The following GRAMD4 variants were observed in gnomAD, a reference collection of about 807,000 sequenced individuals.
GRAMD4 encodes the protein GRAM domain-containing protein 4.
In GRAMD4, 25 loss-of-function variants were observed where a neutral mutation model predicts 83.9. That is an observed-to-expected ratio of 0.30 (90% CI 0.22 to 0.42). The LOEUF is 0.42. Ranked by LOEUF, GRAMD4 falls within the 10% of genes least tolerant of loss-of-function variation. The probability of loss-of-function intolerance (pLI) is 1.00; values close to 1 mark genes in which losing one functional copy is unlikely to be tolerated. For missense variants in GRAMD4, 593 were observed against 788.7 expected (o/e 0.75, Z 2.97); for synonymous variants, 336 against 320.9 (o/e 1.05, Z -0.50).
intron 9 of GRAMD4, among the ~76,000 whole-genome samples, chr22:46,666,284 G>T (rs997583518): frequency 1.3e-4 from 20 of 152,196 alleles, no homozygotes; most frequent in African/African-American, 4.6e-4. Context: ...TGCACTCCTG[G>T]GTCCTTCTTA....
intron 1 of GRAMD4, among the ~76,000 whole-genome samples, chr22:46,592,930 C>T (rs1321486311): frequency 1.3e-5 from 2 of 152,096 alleles, no homozygotes; most frequent in Admixed American, 1.3e-4. Flanking sequence ...ATATTTTGTC[C>T]TAAATTCTGT....
chr22:46,668,178 G>A lies in GRAMD4; in HGVS notation c.930+11G>A, dbSNP rs17761602. ...GCCCAGAAAGCCCAGGTACTGCCAC[G>A]GGCGCCGGCCAGGGGTGTGTCTGCG... is the stretch of plus-strand genomic sequence containing the variant. On this transcript the variant is annotated intron_variant, in intron 11 of 18. Transcript: ENST00000406902. 0.03 allele frequency: 47,823 copies of A among 1,602,868 alleles called. 903 individuals are homozygous for A. The highest frequency in any genetic ancestry group is 0.036 in the Non-Finnish European group (42,630 of 1,171,724).
downstream of GRAMD4, among the ~76,000 whole-genome samples, chr22:46,680,526 A>T (rs1210615379): frequency 7.6e-6 from 1 of 131,468 alleles, no homozygotes; most frequent in African/African-American, 3.1e-5. Context: ...CCACTGATCC[A>T]TCCATTCATC....
Position 46,661,594 on chromosome 22 carries a change from C to G in GRAMD4, c.466+152C>G, listed in dbSNP as rs147692842. On this transcript the variant is annotated intron_variant, in intron 5 of 18. Coordinates refer to ENST00000406902, the MANE Select transcript of GRAMD4 (RefSeq NM_015124.5). ...AGGTGCTGGTTCTGTGCCCAGGCAC[C>G]TGCTGGCATCCGGGAATCTCCTCCC... 2.3e-4 allele frequency: 146 copies of G among 630,412 alleles called. 1 individual carries two copies. The East Asian group carries it at 3.9e-3, about 17-fold the overall frequency. 39.1% of individuals were successfully genotyped at this position (630,412 alleles called of 1,614,324 possible). A position where few individuals can be genotyped will look rare whatever the true frequency, so the allele number is the denominator to read the frequency against.
At chr22:46,669,640 A>G (rs1231182958) in intron 13 of GRAMD4, among the ~76,000 whole-genome samples, 1 of 144,726 alleles carries the variant, frequency 6.9e-6, no homozygotes, top group African/African-American at 2.6e-5. Context: ...CAGTGGCGTG[A>G]TCTCGGCTCA....
intron 1 of GRAMD4, among the ~76,000 whole-genome samples, chr22:46,601,263 G>T (rs370257587): frequency 5.9e-5 from 9 of 152,154 alleles, no homozygotes; most frequent in African/African-American, 1.9e-4. Flanking sequence ...CCCGTCGGCC[G>T]CCGGGTCACA....
intron 2 of GRAMD4, among the ~76,000 whole-genome samples, chr22:46,635,963 G>A (rs979077128): frequency 6.6e-6 from 1 of 152,196 alleles, no homozygotes; most frequent in East Asian, 1.9e-4. Flanking sequence ...TCCTGGCTGC[G>A]TGTGGGAGCG....
rs560562138 is a variant in GRAMD4, at chr22:46,679,388, C to T, written c.*2137C>T. 66 of 985,234 alleles carry T rather than the reference C, an allele frequency of 6.7e-5. No homozygotes were observed. The highest frequency in any genetic ancestry group is 4.7e-5 in the South Asian group (1 of 21,280). The allele number at this position is 985,234 out of a possible 1,614,324, so 61.0% of individuals were successfully genotyped here. A position where few individuals can be genotyped will look rare whatever the true frequency, so the allele number is the denominator to read the frequency against. ...GGGCCACATTCGGGGAGCGGGGGGT[C>T]GGGGGAGGGCCACCGACTGGCTCTG... On this transcript the variant is annotated 3_prime_UTR_variant, in exon 19 of 19. Coordinates refer to ENST00000406902, the MANE Select transcript of GRAMD4 (RefSeq NM_015124.5).
At chr22:46,638,092 T>C in intron 3 of GRAMD4, 132 bp downstream of exon 3, 1 of 936,638 alleles carries the variant, frequency 1.1e-6, no homozygotes, top group Non-Finnish European at 1.6e-6. Flanking sequence ...ACACGAGCCC[T>C]GGGCAGCTGT....
chr22:46,619,310 G>A (rs1199795776), upstream of GRAMD4, among the ~76,000 whole-genome samples: 1 of 152,144 alleles, frequency 6.6e-6, no homozygotes, highest in Non-Finnish European at 1.5e-5. Flanking sequence ...CAAGTATGTG[G>A]CTGTAAGCAT....
intron 1 of GRAMD4, among the ~76,000 whole-genome samples, chr22:46,600,973 G>A (rs935711312): frequency 2.3e-4 from 35 of 152,002 alleles, no homozygotes; most frequent in African/African-American, 7.3e-4. Flanking sequence ...GTGAAATCCC[G>A]TCTCTACTAA....
chr22:46,639,744 C>G (rs1412655472), intron 3 of GRAMD4, among the ~76,000 whole-genome samples: 5 of 152,090 alleles, frequency 3.3e-5, no homozygotes, highest in African/African-American at 4.8e-5. Context: ...CATCTGTACT[C>G]TGACAGCTTT....
rs141577951 is a variant in GRAMD4 at position 46,584,217 on chromosome 22, G to T, written c.-50+6927G>T. ...CCCAGGCCTAGAGTCAGCCCCTTCT[G>T]CAGGGAGCCCGGGTTCCTTTTGTTG... On this transcript the variant is annotated intron_variant, in intron 1 of 1. Transcript: ENST00000431155. 5.3e-3 allele frequency among the ~76,000 whole-genome samples: 805 copies of T among 152,184 alleles called. 5 individuals are homozygous for T. Among genetic ancestry groups the T allele is most frequent in the African/African-American group, 0.018 (758 of 41,502 alleles).
At chr22:46,661,215 G>A (rs1377693973) in intron 4 of GRAMD4, among the ~76,000 whole-genome samples, 166 bp from the exon 5 acceptor site, 1 of 152,216 alleles carries the variant, frequency 6.6e-6, no homozygotes, top group East Asian at 1.9e-4. Context: ...TGCTTGCCTG[G>A]ATACGCTCGG....
chr22:46,599,276 C>G (rs2081290126), intron 1 of GRAMD4, among the ~76,000 whole-genome samples: 1 of 152,024 alleles, frequency 6.6e-6, no homozygotes, highest in African/African-American at 2.4e-5. Context: ...CGTGATTTTT[C>G]AGACGTTGAG....
intron 13 of GRAMD4, among the ~76,000 whole-genome samples, chr22:46,669,543 C>G (rs2147385814): frequency 6.6e-6 from 1 of 151,748 alleles, no homozygotes; most frequent in South Asian, 2.1e-4. Context: ...TTATCTTTGT[C>G]TTTCTCCTTT....
downstream of GRAMD4, among the ~76,000 whole-genome samples, chr22:46,680,394 C>G (rs1191613782): frequency 6.6e-6 from 1 of 151,984 alleles, no homozygotes. Context: ...AGGCAGAGAC[C>G]TCCCCAGGTT....
chr22:46,611,467 C>T (rs1378860067), intron 1 of GRAMD4, among the ~76,000 whole-genome samples: 1 of 152,090 alleles, frequency 6.6e-6, no homozygotes, highest in African/African-American at 2.4e-5. Flanking sequence ...ACTTCTTTCT[C>T]ACCCTGCCTT....
intron 3 of GRAMD4, among the ~76,000 whole-genome samples, chr22:46,654,362 G>A (rs951601287): frequency 2.0e-5 from 3 of 152,224 alleles, no homozygotes; most frequent in African/African-American, 7.2e-5. Context: ...GCTGCTCTTG[G>A]GGACCCACCC....
Sources: gnomAD v4.1 joint callset for allele counts (sites outside exome capture counted in the v4.1 genomes callset) on GRCh38, gnomAD v4.1.1 for gene constraint, MANE v1.5 for transcripts, NCBI Gene and HGNC (gene_info 2026-07-23, HGNC 2026-07-21) for gene names.